Variants in SERPINF1 observed in about 807,000 individuals in gnomAD.
SERPINF1 encodes the protein pigment epithelium-derived factor.
A neutral mutation model predicts 37.3 loss-of-function variants in SERPINF1; 29 were observed. The observed-to-expected ratio is 0.78, with a 90% confidence interval of 0.58 to 1.06. The LOEUF is 1.06. Ranked by LOEUF, SERPINF1 falls within the 50% of genes least tolerant of loss-of-function variation. The pLI is 0.00. For missense variants in SERPINF1, 553 were observed against 532.2 expected (o/e 1.04, Z -0.38); for synonymous variants, 281 against 227.9 (o/e 1.23, Z -2.10).
chr17:1,770,802 G>A (rs1306970217), intron 3 of SERPINF1: 8 of 545,970 alleles, frequency 1.5e-5, no homozygotes, highest in African/African-American at 1.3e-4. Flanking sequence ...ACAGGGACTG[G>A]TACCTCTCAC....
At chr17:1,771,846 C>A (rs774770386) in intron 4 of SERPINF1, 26 bp from the exon 5 acceptor site, 1 of 1,605,884 alleles carries the variant, frequency 6.2e-7, no homozygotes, top group South Asian at 1.1e-5. Flanking sequence ...GTCTCATACG[C>A]TAACCTCTGC....
At chr17:1,767,543 GA>G (rs1340559649) in intron 2 of SERPINF1, among the ~76,000 whole-genome samples, 1 of 152,222 alleles carries the variant, frequency 6.6e-6, no homozygotes, top group Admixed American at 6.5e-5. Flanking sequence ...GGCAGGGAGT[GA>G]GGGTATGGAG....
chr17:1,767,067 CAG>C, intron 2 of SERPINF1, 73 bp downstream of exon 2: 5 of 1,360,536 alleles, frequency 3.7e-6, no homozygotes, highest in Non-Finnish European at 5.1e-6. Context: ...GGAAACAGGA[CAG>C]GGAACCCGGA....
At chr17:1,770,872 G>T in intron 3 of SERPINF1, 157 bp from the exon 4 acceptor site, 1 of 915,950 alleles carries the variant, frequency 1.1e-6, no homozygotes. Context: ...AATCTCTAAG[G>T]ATGAAAATTC....
intron 7 of SERPINF1, 68 bp from the exon 8 acceptor site, chr17:1,777,119 A>C: frequency 2.5e-6 from 4 of 1,600,434 alleles, no homozygotes; most frequent in Non-Finnish European, 2.6e-6. Flanking sequence ...CTTGCTTGCA[A>C]AGGGATCCCT....
In SERPINF1 at chr17:1,777,455, T is replaced by A. The variant is rs1424306793; in HGVS notation, c.*9T>A. 6.2e-7 allele frequency: 1 copy of A among 1,613,992 alleles called. No individual in the cohort carries two copies. Among genetic ancestry groups the A allele is most frequent in the East Asian group, 2.2e-5 (1 of 44,888 alleles). ...ACCCCAGGGGCCCCTAATATCCCAG[T>A]TTAATATTCCAATACCCTAGAAGAA... On this transcript the variant is annotated 3_prime_UTR_variant, in exon 8 of 8. Transcript: ENST00000254722.
chr17:1,767,717 T>C (rs906849441), intron 2 of SERPINF1, among the ~76,000 whole-genome samples: 5 of 152,210 alleles, frequency 3.3e-5, no homozygotes, highest in African/African-American at 4.8e-5. Context: ...CCCTGGACTT[T>C]CGTGAGGTCA....
At position 1,771,862 on chromosome 17, in the gene SERPINF1, C is replaced by T. The variant is rs766371689; in HGVS notation, c.440-10C>T. On this transcript the variant is annotated splice_polypyrimidine_tract_variant and intron_variant, in intron 4 of 7. Transcript: ENST00000254722. ...TCTCATACGCTAACCTCTGCTCCGC[C>T]TCTTCTCAGAGCTGCGCATAAAATC... is the stretch of plus-strand genomic sequence containing the variant. 44 of 1,610,418 alleles carry T rather than the reference C, an allele frequency of 2.7e-5. No individual in the cohort carries two copies. In the East Asian group the frequency reaches 8.7e-4, roughly 32 times the overall value.
chr17:1,770,250 T>C (rs1963596820), intron 3 of SERPINF1, among the ~76,000 whole-genome samples, 200 bp downstream of exon 3: 1 of 152,178 alleles, frequency 6.6e-6, no homozygotes, highest in Non-Finnish European at 1.5e-5. Flanking sequence ...CGAAAGGGGC[T>C]GGGCACCACT....
At chr17:1,776,447 G>A (rs941376414) in intron 6 of SERPINF1, 85 bp from the exon 7 acceptor site, 9 of 1,239,894 alleles carry the variant, frequency 7.3e-6, no homozygotes, top group Admixed American at 5.0e-5. Context: ...CCCCGTCACG[G>A]GAGAGGGAAG....
At position 1,777,167 on chromosome 17, in the gene SERPINF1, ATCTC is replaced by A. The variant is rs777987858; in HGVS notation, c.998-15_998-12del. 423 of 1,613,830 alleles carry A rather than the reference ATCTC, an allele frequency of 2.6e-4. 1 individual carries two copies. The highest frequency in any genetic ancestry group is 3.4e-4 in the Non-Finnish European group (404 of 1,180,016). On this transcript the variant is annotated splice_polypyrimidine_tract_variant and intron_variant, in intron 7 of 7. Transcript: ENST00000254722. Reference sequence around the variant, plus strand: ...TGGGGAAGGCAGGGTTTTAACGGAAATCTCTCTCCATCTCTACAGAGCTGCAATC... The same window carrying A: ...TGGGGAAGGCAGGGTTTTAACGGAAATCTCCATCTCTACAGAGCTGCAATC...
rs950794561 is a variant in SERPINF1 at position 1,771,972 on chromosome 17, C to A, written c.540C>A (p.Ile180=). ...ACCCTCGCTTGGACCTGCAAGAGAT[C>A]AACAACTGGGTGCAGGCGCAGATGA... ...TGNPRLDLQE[I]NNWVQAQMKG... Residue 180 remains isoleucine, a synonymous_variant, in exon 5 of 8, where the codon ATC becomes ATA. Coordinates refer to ENST00000254722, the MANE Select transcript of SERPINF1 (RefSeq NM_002615.7). 2 of 1,613,820 alleles carry A rather than the reference C, an allele frequency of 1.2e-6. No homozygotes were observed. The highest frequency in any genetic ancestry group is 1.7e-6 in the Non-Finnish European group (2 of 1,180,018).
chr17:1,776,730 C>G lies in SERPINF1; in HGVS notation c.985C>G (p.Leu329Val), dbSNP rs781271349. ...LSYEGEVTKSLQEMKLQSLFD... is the reference protein window; with the variant it reads ...LSYEGEVTKSVQEMKLQSLFD... ...TTATGAAGGCGAAGTCACCAAGTCC[C>G]TGCAGGAGATGAGTATGTCTGAAGA... is the stretch of plus-strand genomic sequence containing the variant. Residue 329 changes from leucine to valine, a missense_variant, in exon 7 of 8, where the codon CTG (leucine) becomes GTG (valine). Coordinates refer to ENST00000254722, the MANE Select transcript of SERPINF1 (RefSeq NM_002615.7). 3.2e-5 allele frequency: 51 copies of G among 1,612,878 alleles called. No homozygotes were observed. The highest frequency in any genetic ancestry group is 2.4e-5 in the Non-Finnish European group (28 of 1,179,580).
At position 1,776,800 on chromosome 17, in the gene SERPINF1, G is replaced by C. The variant is rs1908062871; in HGVS notation, c.997+58G>C. On this transcript the variant is annotated intron_variant, in intron 7 of 7. Coordinates refer to ENST00000254722, the MANE Select transcript of SERPINF1 (RefSeq NM_002615.7). ...TGGATGGGGTGGGGCAGGGTCTTTG[G>C]GCCTTCCACTGTGCTAAGCAGAACG... The C allele has an allele frequency of 7.2e-6, 11 of 1,517,286 alleles. No individual in the cohort carries two copies. The East Asian group carries it at 2.5e-4, about 34-fold the overall frequency. 94.0% of individuals were successfully genotyped at this position (1,517,286 alleles called of 1,614,324 possible).
In SERPINF1 at chr17:1,764,834, AT is replaced by A. The variant is rs1183697876; in HGVS notation, c.-8-2060del. Among the ~76,000 whole-genome samples the A allele has an allele frequency of 4.7e-3, 588 of 125,934 alleles. 4 individuals are homozygous for A. The highest frequency in any genetic ancestry group is 0.017 in the African/African-American group (559 of 33,548). 82.6% of individuals were successfully genotyped at this position (125,934 alleles called of 152,430 possible). ...GGAGACAACGCTGTTCAGATTCTACATTTTTTTTTCCTTTTTTTTTTTTTTT... is the reference window on the plus strand; with the variant it reads ...GGAGACAACGCTGTTCAGATTCTACATTTTTTTTCCTTTTTTTTTTTTTTT... On this transcript the variant is annotated intron_variant, in intron 1 of 7. Transcript: ENST00000254722.
At chr17:1,769,387 C>T (rs370838268) in intron 2 of SERPINF1, among the ~76,000 whole-genome samples, 117 of 143,726 alleles carry the variant, frequency 8.1e-4, no homozygotes, top group Non-Finnish European at 1.4e-3. Context: ...CCAGCCTGAG[C>T]GACAGAGCGA....
At chr17:1,772,646 C>T (rs1179403208) in intron 5 of SERPINF1, among the ~76,000 whole-genome samples, 2 of 151,962 alleles carry the variant, frequency 1.3e-5, no homozygotes, top group African/African-American at 2.4e-5. Flanking sequence ...GCAAGCTCTG[C>T]CTTCCAGGTT....
chr17:1,768,594 C>T (rs1233278704), intron 2 of SERPINF1, among the ~76,000 whole-genome samples: 3 of 151,610 alleles, frequency 2.0e-5, no homozygotes, highest in Admixed American at 1.3e-4. Flanking sequence ...ATGCCTCAGC[C>T]TCCCAAATAG....
Position 1,776,619 on chromosome 17 carries a change from A to C in SERPINF1, c.874A>C (p.Ser292Arg), listed in dbSNP as rs1870866367. The change falls in exon 7 of 8, where the codon AGC becomes CGC. Residue 292 changes from serine (S) to arginine (R), a missense_variant. Coordinates refer to ENST00000254722, the MANE Select transcript of SERPINF1 (RefSeq NM_002615.7). ...CCAGAATTTGACCTTGATAGAGGAG[A>C]GCCTCACCTCCGAGTTCATTCATGA... The part of the protein sequence containing the change: ...VTQNLTLIEE[S>R]LTSEFIHDID... 1 of 1,613,660 alleles carries C rather than the reference A, an allele frequency of 6.2e-7. No homozygotes were observed. The highest frequency in any genetic ancestry group is 1.1e-5 in the South Asian group (1 of 91,072).
Sources: allele counts gnomAD v4.1 joint callset (sites outside exome capture counted in the v4.1 genomes callset), GRCh38; gene constraint gnomAD v4.1.1; transcripts MANE v1.5; gene names NCBI Gene and HGNC (gene_info 2026-07-23, HGNC 2026-07-21).